The following PON1 variants were observed in gnomAD, a reference collection of about 807,000 sequenced individuals.
PON1 encodes the protein paraoxonase 1, also known as serum paraoxonase/arylesterase 1.
PON1 carries 37 observed loss-of-function variants against 39.2 expected under a neutral mutation model. The observed-to-expected ratio is 0.94, with a 90% CI of 0.73 to 1.24. The LOEUF (loss-of-function observed/expected upper bound fraction) is 1.24, where lower values mean the gene tolerates loss of function less well. Ranked by LOEUF, PON1 falls within the 50% of genes most tolerant of loss-of-function variation. PON1 has a pLI of 0.00. For synonymous variants in PON1, 148 were observed against 152.2 expected, an observed-to-expected ratio of 0.97 and a Z score of 0.21; for missense variants, 397 against 413.5, an observed-to-expected ratio of 0.96 and a Z score of 0.35.
chr7:95,300,650 CT>C (rs1807399903), intron 8 of PON1, among the ~76,000 whole-genome samples: 1 of 152,178 alleles, frequency 6.6e-6, no homozygotes, highest in South Asian at 2.1e-4. Context: ...ATTGTTACTA[CT>C]TTTTGCTACT....
intron 8 of PON1, among the ~76,000 whole-genome samples, 186 bp from the exon 9 acceptor site, chr7:95,299,288 G>T (rs1807364815): frequency 6.6e-6 from 1 of 152,168 alleles, no homozygotes; most frequent in Admixed American, 6.5e-5. Flanking sequence ...CTGATCTCAA[G>T]TGATCTTTAG....
At chr7:95,316,059 C>CT (rs1431999371) in intron 3 of PON1, among the ~76,000 whole-genome samples, 2 of 152,180 alleles carry the variant, frequency 1.3e-5, no homozygotes, top group African/African-American at 4.8e-5. Context: ...GATGACTAGT[C>CT]TATCATCTTT....
At chr7:95,300,127 T>C (rs3917569) in intron 8 of PON1, among the ~76,000 whole-genome samples, 14,971 of 152,254 alleles carry the variant, frequency 0.098, 940 homozygotes, top group African/African-American at 0.16. Flanking sequence ...GTATCAATAA[T>C]AACAGTGTAG....
At chr7:95,302,458 A>T (rs1807457147) in intron 7 of PON1, 125 bp from the exon 8 acceptor site, 1 of 786,028 alleles carries the variant, frequency 1.3e-6, no homozygotes, top group Non-Finnish European at 2.1e-6. Context: ...CCAAGGATAC[A>T]ATTCTGCCCC....
At chr7:95,313,010 G>A (rs540931019) in intron 4 of PON1, among the ~76,000 whole-genome samples, 4 of 152,348 alleles carry the variant, frequency 2.6e-5, no homozygotes, top group African/African-American at 9.6e-5. Flanking sequence ...GAACCAAGGA[G>A]TAACATGAGC....
intron 2 of PON1, among the ~76,000 whole-genome samples, chr7:95,317,344 G>A (rs1350244800): frequency 3.3e-5 from 5 of 151,962 alleles, no homozygotes; most frequent in Non-Finnish European, 7.4e-5. Flanking sequence ...TTAAGTACAT[G>A]TAAATTTTTA....
At chr7:95,301,791 A>G (rs1807427519) in intron 8 of PON1, among the ~76,000 whole-genome samples, 1 of 152,028 alleles carries the variant, frequency 6.6e-6, no homozygotes, top group African/African-American at 2.4e-5. Context: ...TTATTTGCAC[A>G]TAGAATTGAG....
In PON1 at chr7:95,298,644, T is replaced by C; in HGVS notation, c.*300A>G. ...ACACATGTTTTAGGGTAAGTACTTT[T>C]GGGGTCACACACTGTTATTTAATAT... is the stretch of plus-strand genomic sequence containing the variant. On this transcript the variant is annotated 3_prime_UTR_variant, in exon 9 of 9. Coordinates refer to ENST00000222381, the MANE Select transcript of PON1 (RefSeq NM_000446.7). 2.3e-6 allele frequency: 1 copy of C among 441,294 alleles called. No individual in the cohort carries two copies. The highest frequency in any genetic ancestry group is 2.1e-5 in the South Asian group (1 of 47,232). The allele number at this position is 441,294 out of a possible 1,614,324, so 27.3% of individuals were successfully genotyped here. A position where few individuals can be genotyped will look rare whatever the true frequency, so the allele number is the denominator to read the frequency against.
In PON1 at chr7:95,308,167, G is replaced by T. The variant is rs1043000099; in HGVS notation, c.542C>A (p.Thr181Lys). ...GGGGTCAAGAAAATAGTGATCATTT[G>T]TGCCATAAAAGTGCTCAGGTCCCAC... ...VAVGPEHFYG[T>K]NDHYFLDPYL... The change falls in exon 6 of 9, where the codon ACA (threonine) becomes AAA (lysine). Residue 181 changes from threonine to lysine, a missense_variant. Thr to Lys is a moderately conservative substitution (Grantham distance 78). Coordinates refer to ENST00000222381, the MANE Select transcript of PON1 (RefSeq NM_000446.7). 6.2e-7 allele frequency: 1 copy of T among 1,613,974 alleles called. No homozygotes were observed. Among genetic ancestry groups the T allele is most frequent in the African/African-American group, 1.3e-5 (1 of 74,900 alleles).
chr7:95,301,120 A>G (rs1400518110), intron 8 of PON1, among the ~76,000 whole-genome samples: 1 of 152,102 alleles, frequency 6.6e-6, no homozygotes, highest in Non-Finnish European at 1.5e-5. Flanking sequence ...CATATATATG[A>G]TGTAAGTAAT....
Position 95,307,214 on chromosome 7 carries a change from C to G in PON1, c.698+797G>C, listed in dbSNP as rs185841622. 3.9e-5 allele frequency among the ~76,000 whole-genome samples: 6 copies of G among 152,162 alleles called. No individual in the cohort carries two copies. In the East Asian group the frequency reaches 1.2e-3, roughly 30 times the overall value. On this transcript the variant is annotated intron_variant, in intron 6 of 8. Coordinates refer to ENST00000222381, the MANE Select transcript of PON1 (RefSeq NM_000446.7). Reference sequence around the variant, plus strand: ...AGCTGGGATTACAGGAGTGCGCCACCACGCCTGGCTAATTTTTGTATTTTT... The same window carrying G: ...AGCTGGGATTACAGGAGTGCGCCACGACGCCTGGCTAATTTTTGTATTTTT...
Position 95,311,555 on chromosome 7 carries a change from C to A in PON1, c.393G>T (p.Val131=), listed in dbSNP as rs764769312. The change falls in exon 5 of 9, where the codon GTG becomes GTT. Residue 131 remains valine (V), a synonymous_variant. Coordinates refer to ENST00000222381, the MANE Select transcript of PON1 (RefSeq NM_000446.7). ...TGGACTTGGCATCTGGATGGTTCAC[C>A]ACCAGGAGGTACATGGCATTATCTG... is the stretch of plus-strand genomic sequence containing the variant. The part of the protein sequence containing the change: ...TDEDNAMYLL[V]VNHPDAKSTV... The A allele has an allele frequency of 3.7e-6, 6 of 1,613,800 alleles. No individual in the cohort carries two copies. The South Asian group carries it at 5.5e-5, about 15-fold the overall frequency.
At chr7:95,322,970 A>G (rs1807932059) in intron 1 of PON1, among the ~76,000 whole-genome samples, 1 of 152,178 alleles carries the variant, frequency 6.6e-6, no homozygotes, top group African/African-American at 2.4e-5. Context: ...GGATGCATCT[A>G]TCCTGGGGAT....
rs149272561 is a variant in PON1 at position 95,307,209 on chromosome 7, G to A, written c.698+802C>T. Among the ~76,000 whole-genome samples, 125 of 151,960 alleles carry A rather than the reference G, an allele frequency of 8.2e-4. 2 individuals are homozygous for A. The East Asian group carries it at 0.021, about 25-fold the overall frequency. On this transcript the variant is annotated intron_variant, in intron 6 of 8. Coordinates refer to ENST00000222381, the MANE Select transcript of PON1 (RefSeq NM_000446.7). ...CTGGTAGCTGGGATTACAGGAGTGCGCCACCACGCCTGGCTAATTTTTGTA... is the reference window on the plus strand; with the variant it reads ...CTGGTAGCTGGGATTACAGGAGTGCACCACCACGCCTGGCTAATTTTTGTA...
intron 7 of PON1, among the ~76,000 whole-genome samples, chr7:95,304,144 C>T (rs145302216): frequency 1.1e-4 from 17 of 152,206 alleles, no homozygotes; most frequent in African/African-American, 3.9e-4. Context: ...CCCTATTCTT[C>T]TCTCCCCCAA....
intron 6 of PON1, 27 bp from the exon 7 acceptor site, chr7:95,306,393 A>C: frequency 7.0e-7 from 1 of 1,423,214 alleles, no homozygotes; most frequent in Non-Finnish European, 9.9e-7. Flanking sequence ...GCTACATCAA[A>C]GTACTAGAAG....
intron 2 of PON1, among the ~76,000 whole-genome samples, chr7:95,318,085 C>CTTTTTTTTTTTTTT (rs11343146): frequency 2.3e-5 from 3 of 131,160 alleles, no homozygotes; most frequent in Non-Finnish European, 3.3e-5. Flanking sequence ...TTCTTTTTTT[C>CTTTTTTTTTTTTTT]TTTTTTTTTT....
At chr7:95,300,297 G>T (rs780457522) in intron 8 of PON1, among the ~76,000 whole-genome samples, 2 of 152,212 alleles carry the variant, frequency 1.3e-5, no homozygotes, top group Non-Finnish European at 2.9e-5. Flanking sequence ...TTTCTCATCT[G>T]TAGAATGAAA....
chr7:95,306,403 G>T lies in PON1; in HGVS notation c.699-37C>A, dbSNP rs774436244. The T allele has an allele frequency of 2.0e-5, 27 of 1,367,380 alleles. No homozygotes were observed. The Admixed American group carries it at 4.2e-4, about 21-fold the overall frequency. The allele number at this position is 1,367,380 out of a possible 1,614,324, so 84.7% of individuals were successfully genotyped here. A position where few individuals can be genotyped will look rare whatever the true frequency, so the allele number is the denominator to read the frequency against. ...AAAGAGCTACATCAAAGTACTAGAA[G>T]TAACACAACTTGAGAGATTAAGATG... On this transcript the variant is annotated intron_variant, in intron 6 of 8. Coordinates refer to ENST00000222381, the MANE Select transcript of PON1 (RefSeq NM_000446.7).
Sources: gnomAD v4.1 joint callset for allele counts (sites outside exome capture counted in the v4.1 genomes callset) on GRCh38, gnomAD v4.1.1 for gene constraint, MANE v1.5 for transcripts, NCBI Gene and HGNC (gene_info 2026-07-23, HGNC 2026-07-21) for gene names.